Variants in GRID1 observed in about 807,000 individuals in gnomAD.
GRID1 encodes the protein glutamate receptor ionotropic, delta-1.
Under a neutral mutation model 98.0 loss-of-function variants are expected in GRID1, and 28 were observed. The observed-to-expected ratio is 0.29, with a 90% CI of 0.21 to 0.39. The LOEUF (loss-of-function observed/expected upper bound fraction) is 0.39. Ranked by LOEUF, GRID1 falls within the 10% of genes least tolerant of loss-of-function variation. GRID1 has a pLI of 1.00. For missense variants in GRID1, 1,111 were observed against 1,340.5 expected, an observed-to-expected ratio of 0.83 and a Z score of 2.67; for synonymous variants, 553 against 538.5, an observed-to-expected ratio of 1.03 and a Z score of -0.37.
intron 4 of GRID1, among the ~76,000 whole-genome samples, chr10:85,999,211 C>CAAAAAA (rs60210628): frequency 7.7e-6 from 1 of 130,048 alleles, no homozygotes; most frequent in Non-Finnish European, 1.6e-5. Context: ...GACTCTATTT[C>CAAAAAA]AAAAAAAAAA....
At chr10:85,606,230 A>C (rs1842661038) in intron 15 of GRID1, 1 of 152,202 alleles carries the variant, frequency 6.6e-6, no homozygotes, top group Non-Finnish European at 1.5e-5. Context: ...AGCGGGAACC[A>C]ACTCCCTACT....
intron 4 of GRID1, among the ~76,000 whole-genome samples, chr10:85,998,352 T>C (rs1193683670): frequency 1.3e-5 from 2 of 151,950 alleles, no homozygotes. Flanking sequence ...AATAAGAAAA[T>C]ATCCGAACAC....
At chr10:86,317,605 G>A (rs1847917088) in intron 2 of GRID1, among the ~76,000 whole-genome samples, 2 of 152,100 alleles carry the variant, frequency 1.3e-5, no homozygotes, top group African/African-American at 4.8e-5. Flanking sequence ...GCCTCGGGCA[G>A]CAAGGACCCT....
At chr10:86,364,314 C>T (rs566778785) in intron 1 of GRID1, among the ~76,000 whole-genome samples, 38 of 152,328 alleles carry the variant, frequency 2.5e-4, no homozygotes, top group African/African-American at 9.1e-4. Context: ...CACGTGCACA[C>T]AGTTGACATG....
intron 6 of GRID1, among the ~76,000 whole-genome samples, chr10:85,866,182 G>A (rs1275582561): frequency 6.7e-6 from 1 of 150,184 alleles, no homozygotes; most frequent in Non-Finnish European, 1.5e-5. Context: ...CCATGGGAGA[G>A]ATGTGGACAG....
intron 4 of GRID1, among the ~76,000 whole-genome samples, chr10:85,960,913 G>C (rs1842257370): frequency 6.6e-6 from 1 of 151,902 alleles, no homozygotes; most frequent in Middle Eastern, 3.2e-3. Flanking sequence ...AGGGAGGAGG[G>C]GCTTCTGCAG....
At chr10:85,628,984 C>T (rs185735356) in intron 13 of GRID1, among the ~76,000 whole-genome samples, 3 of 152,224 alleles carry the variant, frequency 2.0e-5, no homozygotes, top group African/African-American at 7.2e-5. Context: ...CCCAGAGAGG[C>T]GGCCCATGAC....
chr10:86,176,223 C>A (rs1845573541), intron 3 of GRID1, among the ~76,000 whole-genome samples: 1 of 152,178 alleles, frequency 6.6e-6, no homozygotes, highest in African/African-American at 2.4e-5. Flanking sequence ...TCTTTGAACA[C>A]CACGTTCTGG....
At chr10:85,943,826 A>G (rs1000815867) in intron 4 of GRID1, among the ~76,000 whole-genome samples, 1 of 152,224 alleles carries the variant, frequency 6.6e-6, no homozygotes, top group Non-Finnish European at 1.5e-5. Flanking sequence ...GATCGCAAAC[A>G]ATGGCCACAC....
At chr10:85,934,505 T>C (rs1841900987) in intron 4 of GRID1, among the ~76,000 whole-genome samples, 1 of 151,746 alleles carries the variant, frequency 6.6e-6, no homozygotes, top group African/African-American at 2.4e-5. Context: ...AGGCTAGCTG[T>C]GGATTGGAGC....
intron 14 of GRID1, among the ~76,000 whole-genome samples, chr10:85,616,943 G>C (rs1842796634): frequency 6.6e-6 from 1 of 152,132 alleles, no homozygotes; most frequent in South Asian, 2.1e-4. Context: ...GCATGCTGTG[G>C]TCTGCAAGCC....
At chr10:86,218,013 T>C (rs910079084) in intron 2 of GRID1, among the ~76,000 whole-genome samples, 2 of 152,162 alleles carry the variant, frequency 1.3e-5, no homozygotes, top group Non-Finnish European at 2.9e-5. Context: ...GGCTCCAGCA[T>C]CCCTCCCAGA....
intron 2 of GRID1, among the ~76,000 whole-genome samples, chr10:86,234,589 G>T (rs1213336116): frequency 6.6e-6 from 1 of 152,184 alleles, no homozygotes; most frequent in African/African-American, 2.4e-5. Flanking sequence ...TTTTCTCTAA[G>T]CAACACAAAA....
intron 5 of GRID1, among the ~76,000 whole-genome samples, chr10:85,869,520 T>C (rs911872911): frequency 6.6e-6 from 1 of 152,218 alleles, no homozygotes; most frequent in African/African-American, 2.4e-5. Context: ...ACTTTCCTTT[T>C]GGGAGTCACC....
intron 4 of GRID1, among the ~76,000 whole-genome samples, chr10:85,942,706 G>C (rs1382023103): frequency 1.3e-5 from 2 of 152,168 alleles, no homozygotes; most frequent in Non-Finnish European, 2.9e-5. Context: ...CTCTATTATA[G>C]ATTACAAAAG....
intron 4 of GRID1, among the ~76,000 whole-genome samples, chr10:86,000,901 C>T (rs1268901754): frequency 1.3e-5 from 2 of 150,670 alleles, no homozygotes; most frequent in East Asian, 3.9e-4. Context: ...CCAGAAAAAG[C>T]TTTTAGTGGC....
intron 13 of GRID1, among the ~76,000 whole-genome samples, chr10:85,631,240 C>G (rs1256554969): frequency 6.6e-6 from 1 of 152,214 alleles, no homozygotes; most frequent in Non-Finnish European, 1.5e-5. Flanking sequence ...CTCAGATCTC[C>G]TTGACTGCAA....
chr10:85,903,431 C>T (rs945198955), intron 5 of GRID1, among the ~76,000 whole-genome samples: 3 of 152,176 alleles, frequency 2.0e-5, no homozygotes, highest in Non-Finnish European at 2.9e-5. Context: ...TTCTTACCTC[C>T]TCCATACTAC....
intron 12 of GRID1, 37 bp from the exon 13 acceptor site, chr10:85,647,434 C>T: frequency 6.6e-7 from 1 of 1,506,436 alleles, no homozygotes; most frequent in Non-Finnish European, 9.2e-7. Context: ...TGAGTACATG[C>T]TGTGCATTGC....
Sources: allele counts gnomAD v4.1 joint callset (sites outside exome capture counted in the v4.1 genomes callset), GRCh38; gene constraint gnomAD v4.1.1; transcripts MANE v1.5; gene names NCBI Gene and HGNC (gene_info 2026-07-23, HGNC 2026-07-21).